HIPK2: variants seen among roughly 807,000 people sequenced by gnomAD.
HIPK2 encodes homeodomain interacting protein kinase 2.
Under a neutral mutation model 113.7 loss-of-function variants are expected in HIPK2, and 27 were observed. The ratio of observed to expected loss-of-function variants is 0.24; its 90% CI spans 0.17 to 0.33. The LOEUF is 0.33. Ranked by LOEUF, HIPK2 falls within the 10% of genes least tolerant of loss-of-function variation. HIPK2 has a pLI of 1.00. For missense variants in HIPK2, 1,257 were observed against 1,588.0 expected, an observed-to-expected ratio of 0.79 and a Z score of 3.54; for synonymous variants, 631 against 642.2, an observed-to-expected ratio of 0.98 and a Z score of 0.26.
intron 2 of HIPK2, among the ~76,000 whole-genome samples, chr7:139,710,818 T>G (rs1483153688): frequency 6.6e-6 from 1 of 152,178 alleles, no homozygotes; most frequent in Non-Finnish European, 1.5e-5. Flanking sequence ...TTCTTGTGAT[T>G]GTGAGTTCTC....
intron 7 of HIPK2, among the ~76,000 whole-genome samples, chr7:139,615,102 T>C (rs1799991023): frequency 6.6e-6 from 1 of 152,130 alleles, no homozygotes; most frequent in African/African-American, 2.4e-5. Flanking sequence ...GGAGGACAAA[T>C]CCAGGGGGAG....
rs560300928 is a variant in HIPK2 at position 139,574,258 on chromosome 7, T to C, written c.3127-861A>G. 3.4e-4 allele frequency among the ~76,000 whole-genome samples: 51 copies of C among 152,236 alleles called. 1 individual carries two copies. The highest frequency in any genetic ancestry group is 3.1e-3 in the Admixed American group (48 of 15,298). On this transcript the variant is annotated intron_variant, in intron 14 of 14. Coordinates refer to ENST00000406875, the MANE Select transcript of HIPK2 (RefSeq NM_022740.5). ...GGTGTGGTGGCTCATGCCTGTAGTC[T>C]CAGCTACTCGGGAGGCTAAGGTGGA... is the stretch of plus-strand genomic sequence containing the variant.
rs1794128899 is a variant in HIPK2, at chr7:139,683,744, T to C, written c.1103+32188A>G. Among the ~76,000 whole-genome samples the C allele has an allele frequency of 6.6e-6, 1 of 152,218 alleles. No homozygotes were observed. The highest frequency in any genetic ancestry group is 1.5e-5 in the Non-Finnish European group (1 of 68,042). On this transcript the variant is annotated intron_variant, in intron 2 of 14. Transcript: ENST00000406875. This position sits in a 1 kb window ranked among gnomAD's most constrained non-coding sequence, Gnocchi z 4.2. ...CATACAGCTTCATGAGGGTTGGCTA[T>C]GTCCTTTCCAGAGTAAAATAGATAG...
chr7:139,705,426 G>A (rs1316393698), intron 2 of HIPK2, among the ~76,000 whole-genome samples: 1 of 152,026 alleles, frequency 6.6e-6, no homozygotes, highest in African/African-American at 2.4e-5. Context: ...GCCCAGGCTG[G>A]AGTGCAGTGG....
chr7:139,568,570 A>C lies in HIPK2; in HGVS notation c.*4357T>G, dbSNP rs1177779017. The C allele has an allele frequency of 1.3e-5, 2 of 152,192 alleles. No individual in the cohort carries two copies. Among genetic ancestry groups the C allele is most frequent in the Admixed American group, 1.3e-4 (2 of 15,280 alleles). The allele number at this position is 152,192 out of a possible 1,614,324, so 9.4% of individuals were successfully genotyped here. A position where few individuals can be genotyped will look rare whatever the true frequency, so the allele number is the denominator to read the frequency against. Reference sequence around the variant, plus strand: ...CACTCCTCCGTGACCTGACATTTCAAATCTTCCCCTCTTCCTCTGAACAAT... The same window carrying C: ...CACTCCTCCGTGACCTGACATTTCACATCTTCCCCTCTTCCTCTGAACAAT... On this transcript the variant is annotated 3_prime_UTR_variant, in exon 15 of 15. Coordinates refer to ENST00000406875, the MANE Select transcript of HIPK2 (RefSeq NM_022740.5).
In HIPK2 at chr7:139,573,366, C is replaced by T. The variant is rs752386966; in HGVS notation, c.3158G>A (p.Gly1053Glu). The change falls in exon 15 of 15, where the codon GGG (glycine) becomes GAG (glutamate). Residue 1053 changes from glycine to glutamate, a missense_variant. Around this residue, in one of 5 missense-constraint regions of HIPK2, gnomAD observed 862 missense variants for 1,004.3 expected, o/e 0.86. Transcript: ENST00000406875. ...GTAGGCCTGCTGCCTTCGGTGGCTC[C>T]CAGTGCGGTCCGTGGTGATGTGCTG... ...AQQHITTDRT[G>E]SHRRQQAYIT... The T allele has an allele frequency of 1.0e-5, 16 of 1,604,442 alleles. No homozygotes were observed. The South Asian group carries it at 1.6e-4, about 17-fold the overall frequency.
Position 139,629,048 on chromosome 7 carries a change from A to T in HIPK2, c.1348-9T>A, listed in dbSNP as rs1214688497. On this transcript the variant is annotated splice_polypyrimidine_tract_variant and intron_variant, in intron 4 of 14. Transcript: ENST00000406875. ...TCATGGTCATCTGGTGTCTGTCAAG[A>T]GAGGCAAAAGCCAATTGGTAGCGTG... 6.3e-7 allele frequency: 1 copy of T among 1,581,500 alleles called. No individual in the cohort carries two copies.
rs771123672 is a variant in HIPK2, at chr7:139,573,226, G to A, written c.3298C>T (p.Pro1100Ser). Residue 1100 changes from proline (P) to serine (S), a missense_variant, in exon 15 of 15, where the codon CCC (proline) becomes TCC (serine). By Grantham distance (74) the Pro-to-Ser change is moderately conservative. Transcript: ENST00000406875. ...GGCGCAGTGTAGGTGTAGAGGTGGG[G>A]CTGGGTGGGGAGGTGGGCAGCGGCA... ...AAAAAHLPTQPHLYTYTAPAA... is the reference protein window; with the variant it reads ...AAAAAHLPTQSHLYTYTAPAA... 1.0e-5 allele frequency: 16 copies of A among 1,605,430 alleles called. No homozygotes were observed. The highest frequency in any genetic ancestry group is 3.3e-5 in the Admixed American group (2 of 59,974).
chr7:139,608,261 G>GTGTA (rs1378565431), intron 9 of HIPK2, among the ~76,000 whole-genome samples: 3 of 146,930 alleles, frequency 2.0e-5, no homozygotes, highest in Non-Finnish European at 3.0e-5. Flanking sequence ...ACGTGTGTGT[G>GTGTA]TGTGTGTGTG....
chr7:139,732,817 A>ATGTG lies in HIPK2; in HGVS notation c.20-15803_20-15802insCACA, dbSNP rs1188145093. ...ATAATATATATAACATATTATATAT[A>ATGTG]TATGTGTGTGTGTGTGTGTGTGTGT... On this transcript the variant is annotated intron_variant, in intron 1 of 14. Transcript: ENST00000406875. Among the ~76,000 whole-genome samples the ATGTG allele has an allele frequency of 7.9e-3, 1,037 of 132,094 alleles. 11 individuals are homozygous for ATGTG. The highest frequency in any genetic ancestry group is 0.035 in the African/African-American group (970 of 27,704). 86.7% of individuals were successfully genotyped at this position (132,094 alleles called of 152,430 possible).
intron 2 of HIPK2, among the ~76,000 whole-genome samples, chr7:139,700,321 C>T (rs1048829757): frequency 7.9e-5 from 12 of 152,144 alleles, no homozygotes; most frequent in Admixed American, 2.0e-4. Context: ...GTAGTGGTCA[C>T]CAACATGTGG....
At chr7:139,595,524 T>C (rs1405575504) in intron 12 of HIPK2, among the ~76,000 whole-genome samples, 1 of 152,178 alleles carries the variant, frequency 6.6e-6, no homozygotes, top group African/African-American at 2.4e-5. Flanking sequence ...CTCTGACACC[T>C]GGCACAATGC....
intron 2 of HIPK2, among the ~76,000 whole-genome samples, chr7:139,692,883 CCCAG>C (rs1794448184): frequency 6.6e-6 from 1 of 152,234 alleles, no homozygotes; most frequent in South Asian, 2.1e-4. Flanking sequence ...AGGCCACATG[CCCAG>C]CTTGGGGCTA....
intron 10 of HIPK2, among the ~76,000 whole-genome samples, chr7:139,602,232 C>T (rs554765758): frequency 2.5e-4 from 38 of 152,102 alleles, no homozygotes; most frequent in Non-Finnish European, 7.4e-5. Context: ...GGATTACAGA[C>T]GTGAGCCACT....
chr7:139,693,749 G>A (rs1256937224), intron 2 of HIPK2, among the ~76,000 whole-genome samples: 1 of 151,816 alleles, frequency 6.6e-6, no homozygotes, highest in African/African-American at 2.4e-5. Flanking sequence ...TTTAAGTATG[G>A]TGTTGAAATG....
chr7:139,620,803 A>G (rs1800209188), intron 6 of HIPK2, among the ~76,000 whole-genome samples: 1 of 152,222 alleles, frequency 6.6e-6, no homozygotes, highest in Admixed American at 6.5e-5. Context: ...TTCTCCATAT[A>G]GGTTCTATAT....
chr7:139,681,960 C>G (rs1413762153), intron 2 of HIPK2, among the ~76,000 whole-genome samples: 5 of 152,166 alleles, frequency 3.3e-5, no homozygotes, highest in Non-Finnish European at 7.3e-5. Context: ...CTATCTTTTC[C>G]AGGGCAGGCA....
chr7:139,748,053 T>A (rs901383498), intron 1 of HIPK2, among the ~76,000 whole-genome samples: 22 of 152,138 alleles, frequency 1.4e-4, no homozygotes, highest in Non-Finnish European at 2.5e-4. Context: ...ACTGTCACTT[T>A]GTGGTCTTGA....
chr7:139,771,906 C>T (rs541556406), intron 1 of HIPK2, among the ~76,000 whole-genome samples: 53 of 152,328 alleles, frequency 3.5e-4, no homozygotes, highest in Non-Finnish European at 5.7e-4. Context: ...GTTTGAATGA[C>T]AGCAGGCGAG....
Sources: allele counts gnomAD v4.1 joint callset (sites outside exome capture counted in the v4.1 genomes callset), GRCh38; gene constraint gnomAD v4.1.1; regional missense constraint gnomAD v4.1.1; non-coding constraint Gnocchi (gnomAD v3.1); transcripts MANE v1.5; gene names NCBI Gene and HGNC (gene_info 2026-07-23, HGNC 2026-07-21).